ASIC2: variants seen among roughly 807,000 people sequenced by gnomAD.
ASIC2 encodes the protein acid sensing ion channel subunit 2.
ASIC2 carries 25 observed loss-of-function variants against 57.3 expected under a neutral mutation model. That is an observed-to-expected ratio of 0.44 (90% confidence interval 0.32 to 0.61). ASIC2 has a LOEUF of 0.61. Ranked by LOEUF, ASIC2 falls within the 20% of genes least tolerant of loss-of-function variation. The pLI is 0.06. For synonymous variants in ASIC2, 319 were observed against 307.5 expected (o/e 1.04, Z -0.39); for missense variants, 641 against 738.1 (o/e 0.87, Z 1.52).
At chr17:33,226,997 A>C (rs116481580) in intron 1 of ASIC2, among the ~76,000 whole-genome samples, 1,388 of 117,678 alleles carry the variant, frequency 0.012, 26 homozygotes, top group African/African-American at 0.046. Flanking sequence ...TATTGAAAAA[A>C]AGGTCAATAA....
intron 1 of ASIC2, among the ~76,000 whole-genome samples, chr17:33,737,443 G>A (rs1469998939): frequency 1.3e-5 from 2 of 151,610 alleles, no homozygotes; most frequent in African/African-American, 2.4e-5. Context: ...GGATATCTTG[G>A]GAATGGTTTG....
At chr17:33,388,123 A>ACAG (rs1410904788) in intron 1 of ASIC2, among the ~76,000 whole-genome samples, 1 of 142,002 alleles carries the variant, frequency 7.0e-6, no homozygotes, top group Non-Finnish European at 1.6e-5. Flanking sequence ...AACAACAACA[A>ACAG]AACAAACAAA....
chr17:33,760,453 A>C (rs1428319702), intron 1 of ASIC2, among the ~76,000 whole-genome samples: 1 of 152,070 alleles, frequency 6.6e-6, no homozygotes, highest in Admixed American at 6.6e-5. Flanking sequence ...TTTATAAAGC[A>C]AGATATAAGT....
At chr17:33,579,274 G>T (rs1173945694) in intron 1 of ASIC2, among the ~76,000 whole-genome samples, 3 of 119,330 alleles carry the variant, frequency 2.5e-5, no homozygotes, top group African/African-American at 1.2e-4. Context: ...TAGCACGAAT[G>T]AAACTGTGTC....
intron 1 of ASIC2, among the ~76,000 whole-genome samples, chr17:33,375,912 T>A (rs1210168178): frequency 6.6e-6 from 1 of 152,038 alleles, no homozygotes; most frequent in Non-Finnish European, 1.5e-5. Context: ...AGGAAGGACA[T>A]GTTGGTTTTG....
At chr17:33,092,962 C>T (rs2092163588) in intron 2 of ASIC2, among the ~76,000 whole-genome samples, 2 of 152,116 alleles carry the variant, frequency 1.3e-5, no homozygotes, top group South Asian at 4.2e-4. Context: ...GTGAGCCTGC[C>T]TAGGTTCTGG....
intron 1 of ASIC2, among the ~76,000 whole-genome samples, chr17:34,095,682 T>G (rs12943298): frequency 0.01 from 1,400 of 135,544 alleles, 21 homozygotes; most frequent in African/African-American, 0.035. Context: ...GAGAGAGAGA[T>G]ATATATAATT....
chr17:33,954,379 C>G (rs544211849), intron 1 of ASIC2, among the ~76,000 whole-genome samples: 1 of 152,248 alleles, frequency 6.6e-6, no homozygotes, highest in Admixed American at 6.5e-5. Flanking sequence ...GATTTAGGAC[C>G]CTCCCTGTTT....
chr17:33,590,581 A>G (rs944456955), intron 1 of ASIC2, among the ~76,000 whole-genome samples: 4 of 151,356 alleles, frequency 2.6e-5, no homozygotes, highest in Non-Finnish European at 5.9e-5. Flanking sequence ...ACCACACCCC[A>G]ATCTCTATAC....
At chr17:33,347,974 C>T (rs565782671) in intron 1 of ASIC2, among the ~76,000 whole-genome samples, 5 of 152,180 alleles carry the variant, frequency 3.3e-5, no homozygotes, top group African/African-American at 9.6e-5. Flanking sequence ...TGGTGGTGCA[C>T]ACCTGTAGTC....
intron 3 of ASIC2, among the ~76,000 whole-genome samples, chr17:33,031,152 C>T (rs757202991): frequency 5.3e-5 from 8 of 151,936 alleles, no homozygotes; most frequent in Admixed American, 1.3e-4. Flanking sequence ...TGTGTGTATG[C>T]GTGTGAAGAT....
rs143025758 is a variant in ASIC2, at chr17:33,525,848, G to A, written c.556-413781C>T. On this transcript the variant is annotated intron_variant, in intron 1 of 9. Transcript: ENST00000359872. ...CCAGCTCAAGACTCACCTCCTCCAGGAAGCTTTCCCAGACCCCACTAGTCA... is the reference window on the plus strand; with the variant it reads ...CCAGCTCAAGACTCACCTCCTCCAGAAAGCTTTCCCAGACCCCACTAGTCA... Among the ~76,000 whole-genome samples the A allele has an allele frequency of 4.6e-3, 701 of 152,302 alleles. 1 individual carries two copies. The highest frequency in any genetic ancestry group is 7.5e-3 in the Non-Finnish European group (512 of 68,038).
intron 2 of ASIC2, 124 bp from the exon 3 acceptor site, chr17:33,089,114 A>T: frequency 7.7e-7 from 1 of 1,295,678 alleles, no homozygotes; most frequent in Non-Finnish European, 1.0e-6. Context: ...TGGCCCCCAA[A>T]GGTGTCCACA....
intron 1 of ASIC2, among the ~76,000 whole-genome samples, chr17:33,323,037 G>A (rs996616561): frequency 1.5e-4 from 23 of 152,182 alleles, no homozygotes; most frequent in African/African-American, 5.3e-4. Context: ...AATAACCAGA[G>A]AATAATTTAA....
chr17:34,091,462 C>T lies in ASIC2; in HGVS notation c.555+64516G>A, dbSNP rs79285746. On this transcript the variant is annotated intron_variant, in intron 1 of 9. Transcript: ENST00000359872. The stretch of plus-strand genomic sequence containing the variant: ...GGCTGGTGCCCACAAACTTGAGTGG[C>T]AGTAGTTAGGGGTTACCCGGCATCT... Among the ~76,000 whole-genome samples the T allele has an allele frequency of 5.8e-3, 887 of 152,316 alleles. 5 individuals are homozygous for T. Among genetic ancestry groups the T allele is most frequent in the Non-Finnish European group, 9.6e-3 (653 of 68,030 alleles).
rs564621098 is a variant in ASIC2, at chr17:33,742,812, C to T, written c.555+413166G>A. Reference sequence around the variant, plus strand: ...AATCACCCTGTCTACCACTGCCTCACGTCCCTGGCACACGCACCGTTCCTG... The same window carrying T: ...AATCACCCTGTCTACCACTGCCTCATGTCCCTGGCACACGCACCGTTCCTG... On this transcript the variant is annotated intron_variant, in intron 1 of 9. Coordinates refer to the ASIC2 transcript ENST00000359872. 3.1e-4 allele frequency among the ~76,000 whole-genome samples: 47 copies of T among 152,324 alleles called. 1 individual carries two copies. Among genetic ancestry groups the T allele is most frequent in the Non-Finnish European group, 4.9e-4 (33 of 68,036 alleles).
In ASIC2 at chr17:33,563,138, A is replaced by G. The variant is rs187137643; in HGVS notation, c.556-451071T>C. Among the ~76,000 whole-genome samples the G allele has an allele frequency of 2.0e-3, 304 of 152,306 alleles. 1 individual carries two copies. Among genetic ancestry groups the G allele is most frequent in the Middle Eastern group, 0.01 (3 of 294 alleles). On this transcript the variant is annotated intron_variant, in intron 1 of 9. Transcript: ENST00000359872. The stretch of plus-strand genomic sequence containing the variant: ...GCTTCCCTCTAAAGCTTAAATCTCC[A>G]GAGTTTTGCTACTTAAAATGATGAG...
At chr17:33,854,908 G>C (rs1913876241) in intron 1 of ASIC2, among the ~76,000 whole-genome samples, 1 of 152,128 alleles carries the variant, frequency 6.6e-6, no homozygotes, top group Non-Finnish European at 1.5e-5. Flanking sequence ...AGCTCAGGGG[G>C]ACTCTCTCTC....
intron 1 of ASIC2, among the ~76,000 whole-genome samples, chr17:33,381,963 G>A (rs933523609): frequency 2.6e-5 from 4 of 152,158 alleles, no homozygotes; most frequent in Non-Finnish European, 5.9e-5. Flanking sequence ...GGAATGCGTA[G>A]TAATATATAT....
Sources: gnomAD v4.1 joint callset for allele counts (sites outside exome capture counted in the v4.1 genomes callset) on GRCh38, gnomAD v4.1.1 for gene constraint, MANE v1.5 for transcripts, NCBI Gene and HGNC (gene_info 2026-07-23, HGNC 2026-07-21) for gene names.